Variants in NCOR2 observed in about 807,000 individuals in gnomAD.
NCOR2 encodes the protein CTG repeat protein 26.
Under a neutral mutation model 262.9 loss-of-function variants are expected in NCOR2, and 81 were observed. The observed-to-expected ratio is 0.31, with a 90% CI of 0.26 to 0.37. NCOR2 has a LOEUF of 0.37. Ranked by LOEUF, NCOR2 falls within the 10% of genes least tolerant of loss-of-function variation. NCOR2 has a pLI of 1.00. For missense variants in NCOR2, 3,385 were observed against 3,621.4 expected, an observed-to-expected ratio of 0.93 and a Z score of 1.68; for synonymous variants, 1,659 against 1,559.3, an observed-to-expected ratio of 1.06 and a Z score of -1.51.
At chr12:124,513,791 G>C (rs1043908628) in intron 1 of NCOR2, 1 of 152,220 alleles carries the variant, frequency 6.6e-6, no homozygotes, top group African/African-American at 2.4e-5. Flanking sequence ...AGCATCCCTG[G>C]GTTCCTTCTC....
chr12:124,470,397 TC>T (rs1384189363), intron 4 of NCOR2, among the ~76,000 whole-genome samples: 3 of 152,042 alleles, frequency 2.0e-5, no homozygotes. Context: ...AACAAAAACT[TC>T]AACACAAATG....
chr12:124,462,572 C>T (rs984667510), intron 5 of NCOR2, among the ~76,000 whole-genome samples: 1 of 152,228 alleles, frequency 6.6e-6, no homozygotes, highest in African/African-American at 2.4e-5. Flanking sequence ...TGAAAGAACC[C>T]CTGGACCCTG....
intron 37 of NCOR2, among the ~76,000 whole-genome samples, chr12:124,338,542 G>T (rs1014895838): frequency 6.6e-6 from 1 of 151,378 alleles, no homozygotes; most frequent in African/African-American, 2.4e-5. Context: ...GGCAGGGAAG[G>T]GTGTTGAGGT....
At chr12:124,357,629 G>C (rs1425181569) in intron 22 of NCOR2, among the ~76,000 whole-genome samples, 1 of 152,266 alleles carries the variant, frequency 6.6e-6, no homozygotes, top group African/African-American at 2.4e-5. Context: ...GCTTTTACTG[G>C]AGCGTGGCCA....
At chr12:124,521,621 A>C (rs2050194738) in intron 1 of NCOR2, among the ~76,000 whole-genome samples, 1 of 152,004 alleles carries the variant, frequency 6.6e-6, no homozygotes, top group Non-Finnish European at 1.5e-5. Flanking sequence ...ACGTGAAGTG[A>C]CCCCACCGGT....
In NCOR2 at chr12:124,507,468, G is replaced by A. The variant is rs189351933; in HGVS notation, c.-117-12100C>T. On this transcript the variant is annotated intron_variant, in intron 1 of 46. Transcript: ENST00000404621. The stretch of plus-strand genomic sequence containing the variant: ...AAGGCTCAGGCTGCCCCCATAAAAG[G>A]CAAAGTGTTGCCAGTGGCCCCGGCA... Among the ~76,000 whole-genome samples the A allele has an allele frequency of 1.8e-4, 27 of 151,130 alleles. 1 individual carries two copies. In the East Asian group the frequency reaches 5.0e-3, roughly 28 times the overall value.
chr12:124,545,923 CG>C (rs1298445596), intron 1 of NCOR2, among the ~76,000 whole-genome samples: 1 of 152,166 alleles, frequency 6.6e-6, no homozygotes. Flanking sequence ...TCAGAGTCTC[CG>C]TGTCACCCAG....
At chr12:124,490,593 G>A (rs1005310986) in intron 1 of NCOR2, among the ~76,000 whole-genome samples, 1 of 152,220 alleles carries the variant, frequency 6.6e-6, no homozygotes, top group Non-Finnish European at 1.5e-5. Flanking sequence ...ACCAGGAACT[G>A]AGCTGCAAGG....
chr12:124,382,557 G>C (rs370488146), intron 17 of NCOR2, among the ~76,000 whole-genome samples: 1 of 152,124 alleles, frequency 6.6e-6, no homozygotes, highest in Non-Finnish European at 1.5e-5. Flanking sequence ...CACTTTCATC[G>C]ACACTAGGAC....
chr12:124,356,735 T>C (rs768705220), exon 23 of NCOR2: 2 of 1,497,016 alleles, frequency 1.3e-6, no homozygotes, highest in South Asian at 2.8e-5. Flanking sequence ...AGGCCGGAAG[T>C]CCAGCAAGGG....
At chr12:124,526,654 C>G (rs1032180591) in intron 1 of NCOR2, among the ~76,000 whole-genome samples, 1 of 152,172 alleles carries the variant, frequency 6.6e-6, no homozygotes, top group East Asian at 1.9e-4. Flanking sequence ...TCCTCTCCCC[C>G]GCGGACAGAC....
chr12:124,466,826 A>G (rs1300810943), intron 4 of NCOR2, among the ~76,000 whole-genome samples: 1 of 151,972 alleles, frequency 6.6e-6, no homozygotes, highest in Non-Finnish European at 1.5e-5. Flanking sequence ...TCTAAGCCTT[A>G]CCTTCCTCTT....
At chr12:124,344,463 G>A (rs2036752986) in intron 32 of NCOR2, 134 bp downstream of exon 34, 2 of 819,586 alleles carry the variant, frequency 2.4e-6, no homozygotes, top group East Asian at 2.8e-5. Context: ...CCACGGGCCT[G>A]CAGGTGGTTT....
chr12:124,489,887 G>C (rs762989091), intron 1 of NCOR2, among the ~76,000 whole-genome samples: 23 of 152,250 alleles, frequency 1.5e-4, no homozygotes, highest in Non-Finnish European at 2.4e-4. Flanking sequence ...CGGGAGAGGA[G>C]TGCCCCTCTC....
exon 41 of NCOR2, chr12:124,334,532 G>A (rs762630438): frequency 7.0e-7 from 1 of 1,431,664 alleles, no homozygotes; most frequent in Non-Finnish European, 9.1e-7. Flanking sequence ...GGGGCAGCTG[G>A]CCCCAGGGAA....
rs1267728826 is a variant in NCOR2, at chr12:124,481,296, C to T, written c.411+2300G>A. 3.3e-5 allele frequency among the ~76,000 whole-genome samples: 5 copies of T among 152,072 alleles called. No homozygotes were observed. Among genetic ancestry groups the T allele is most frequent in the Non-Finnish European group, 5.9e-5 (4 of 67,982 alleles). ...GGCAGTGCCCGAGAGGAACTGGCAT[C>T]GACACCAGTCCCAAGCCCAGACCCA... On this transcript the variant is annotated intron_variant, in intron 3 of 46. Transcript: ENST00000405201. The surrounding 1 kb of genome is among the most constrained non-coding windows in gnomAD (Gnocchi z 4.6).
At chr12:124,327,479 A>G (rs377449457) in exon 45 of NCOR2, 45 of 1,613,638 alleles carry the variant, frequency 2.8e-5, no homozygotes, top group Non-Finnish European at 3.6e-5. Flanking sequence ...GCAGGCTGGC[A>G]CTGGCATTCA....
At chr12:124,430,616 T>TCTGCAGGAG (rs1311385742) in exon 9 of NCOR2, 1 of 1,610,922 alleles carries the variant, frequency 6.2e-7, no homozygotes, top group Non-Finnish European at 8.5e-7. Context: ...CCCGCTCACC[T>TCTGCAGGAG]CTGCATGCGC....
At chr12:124,448,290 A>G (rs2045308141) in intron 7 of NCOR2, among the ~76,000 whole-genome samples, 1 of 152,226 alleles carries the variant, frequency 6.6e-6, no homozygotes, top group African/African-American at 2.4e-5. Context: ...CACCCCAGAC[A>G]GGGGCCCCAG....
Sources: gnomAD v4.1 joint callset for allele counts (sites outside exome capture counted in the v4.1 genomes callset) on GRCh38, gnomAD v4.1.1 for gene constraint, Gnocchi (gnomAD v3.1) non-coding constraint, MANE v1.5 for transcripts, NCBI Gene and HGNC (gene_info 2026-07-23, HGNC 2026-07-21) for gene names.